Variants in ZDHHC15 observed in about 807,000 individuals in gnomAD.
The protein encoded by ZDHHC15 is palmitoyltransferase ZDHHC15.
In ZDHHC15, 19 loss-of-function variants were observed where a neutral mutation model predicts 31.7. That is an observed-to-expected ratio of 0.60 (90% CI 0.42 to 0.88). ZDHHC15 has a LOEUF of 0.88. Ranked by LOEUF, ZDHHC15 falls within the 40% of genes least tolerant of loss-of-function variation. ZDHHC15 has a pLI of 0.00. For synonymous variants in ZDHHC15, 103 were observed against 90.0 expected (o/e 1.14, Z -0.82); for missense variants, 209 against 251.2 (o/e 0.83, Z 1.14).
intron 8 of ZDHHC15, among the ~76,000 whole-genome samples, chrX:75,423,927 C>T (rs375426167): frequency 9.0e-6 from 1 of 111,180 alleles, no homozygotes; most frequent in East Asian, 2.8e-4. Flanking sequence ...AACTTGGACA[C>T]TTTGTCCTCA....
intron 1 of ZDHHC15, among the ~76,000 whole-genome samples, chrX:75,517,023 A>G (rs911081095): frequency 8.9e-6 from 1 of 112,355 alleles, no homozygotes; most frequent in Non-Finnish European, 1.9e-5. Flanking sequence ...AATGCAAATC[A>G]AAACCACAAT....
intron 10 of ZDHHC15, among the ~76,000 whole-genome samples, chrX:75,398,950 T>TA (rs1390085843): frequency 8.9e-6 from 1 of 112,183 alleles, no homozygotes; most frequent in Non-Finnish European, 1.9e-5. Context: ...AGCCACTTCC[T>TA]ACAGGTGCCT....
intron 4 of ZDHHC15, among the ~76,000 whole-genome samples, chrX:75,440,873 T>C (rs181392933): frequency 3.4e-3 from 381 of 111,247 alleles, no homozygotes; most frequent in Non-Finnish European, 5.5e-3. Context: ...AATAGGGGTG[T>C]TGTTCTCAGG....
intron 3 of ZDHHC15, among the ~76,000 whole-genome samples, chrX:75,471,508 G>A (rs1002689721): frequency 1.3e-4 from 15 of 112,030 alleles, no homozygotes; most frequent in African/African-American, 4.9e-4. Context: ...GTGTGAGGCC[G>A]TCAAAATATT....
At chrX:75,509,524 C>A (rs767651308) in intron 1 of ZDHHC15, among the ~76,000 whole-genome samples, 41 of 111,825 alleles carry the variant, frequency 3.7e-4, no homozygotes, top group Non-Finnish European at 6.6e-4. Flanking sequence ...GAGATAAGCA[C>A]TCACTTACAA....
At position 75,416,580 on chromosome X, in the gene ZDHHC15, T is replaced by C. The variant is rs1353275707; in HGVS notation, c.967+507A>G. ...CCTGGTAGGAGAAAGTTGAAGCTTA[T>C]TTTCCTTTGCCCCTCTTCCTTTTAG... On this transcript the variant is annotated intron_variant, in intron 10 of 11. Transcript: ENST00000373367. Among the ~76,000 whole-genome samples, 8 of 112,066 alleles carry C rather than the reference T, an allele frequency of 7.1e-5. No individual in the cohort carries two copies. The Admixed American group carries it at 7.6e-4, about 11-fold the overall frequency.
intron 2 of ZDHHC15, among the ~76,000 whole-genome samples, chrX:75,487,171 G>A (rs1366638386): frequency 8.9e-6 from 1 of 111,867 alleles, no homozygotes; most frequent in Non-Finnish European, 1.9e-5. Flanking sequence ...GCTAACTAGA[G>A]GTCCTGAGTC....
At chrX:75,475,062 AAAAT>A (rs919953406) in intron 3 of ZDHHC15, among the ~76,000 whole-genome samples, 3 of 111,636 alleles carry the variant, frequency 2.7e-5, no homozygotes, top group Admixed American at 9.5e-5. Context: ...CCGTCTCAAA[AAAAT>A]AAATAAATAA....
At chrX:75,419,764 C>A (rs2083599030) in intron 9 of ZDHHC15, among the ~76,000 whole-genome samples, 1 of 108,896 alleles carries the variant, frequency 9.2e-6, no homozygotes, top group Non-Finnish European at 1.9e-5. Flanking sequence ...GAATACTATG[C>A]AGTCATAAAA....
chrX:75,402,900 C>A (rs2083372419), intron 10 of ZDHHC15, among the ~76,000 whole-genome samples: 1 of 110,552 alleles, frequency 9.0e-6, no homozygotes, highest in Non-Finnish European at 1.9e-5. Context: ...TATCTTGATA[C>A]CAAAACATGG....
At chrX:75,412,732 T>C (rs756343212) in intron 10 of ZDHHC15, among the ~76,000 whole-genome samples, 14 of 111,932 alleles carry the variant, frequency 1.3e-4, no homozygotes, top group Non-Finnish European at 1.7e-4. Flanking sequence ...CGCCTGGCTA[T>C]TATTCAGTTT....
intron 3 of ZDHHC15, among the ~76,000 whole-genome samples, chrX:75,462,631 C>T (rs1048098125): frequency 8.9e-6 from 1 of 112,089 alleles, no homozygotes; most frequent in African/African-American, 3.2e-5. Context: ...CAAAACCACA[C>T]CACTACATGG....
intron 7 of ZDHHC15, among the ~76,000 whole-genome samples, chrX:75,426,817 G>C (rs1460002283): frequency 9.0e-6 from 1 of 111,027 alleles, no homozygotes; most frequent in Non-Finnish European, 1.9e-5. Context: ...AAATTCATGG[G>C]GCTTAGGGTC....
intron 4 of ZDHHC15, among the ~76,000 whole-genome samples, chrX:75,449,429 A>G (rs2084083908): frequency 1.8e-5 from 2 of 111,565 alleles, no homozygotes; most frequent in African/African-American, 6.5e-5. Flanking sequence ...GTACCGTGGT[A>G]AGTACCATTA....
At chrX:75,373,553 T>C (rs1398025002) in intron 11 of ZDHHC15, among the ~76,000 whole-genome samples, 1 of 111,785 alleles carries the variant, frequency 8.9e-6, no homozygotes, top group African/African-American at 3.2e-5. Context: ...GTAATTTTGC[T>C]TCCAGGATTC....
chrX:75,505,425 T>A (rs1193690187), intron 2 of ZDHHC15, among the ~76,000 whole-genome samples: 5 of 110,985 alleles, frequency 4.5e-5, no homozygotes, highest in Non-Finnish European at 9.4e-5. Flanking sequence ...ATACTGGAAC[T>A]GTGATGGTGA....
chrX:75,406,280 C>A (rs530878638), intron 10 of ZDHHC15, among the ~76,000 whole-genome samples: 7 of 110,931 alleles, frequency 6.3e-5, no homozygotes, highest in African/African-American at 2.0e-4. Flanking sequence ...AACCATGCAC[C>A]TTAAGGAACT....
rs1434079532 is a variant in ZDHHC15 at position 75,466,166 on chromosome X, A to G, written c.258+12725T>C. 1.2e-4 allele frequency among the ~76,000 whole-genome samples: 14 copies of G among 112,391 alleles called. No homozygotes were observed. In the East Asian group the frequency reaches 3.6e-3, roughly 29 times the overall value. On this transcript the variant is annotated intron_variant, in intron 3 of 11. Transcript: ENST00000373367. ...GAACAAACACTTCTCAAAAGAAGAC[A>G]TAGATGTGGCCAAAACAAACATGTA...
rs1034211480 is a variant in ZDHHC15, at chrX:75,369,709, T to G, written c.*3269A>C. On this transcript the variant is annotated 3_prime_UTR_variant, in exon 12 of 12. Transcript: ENST00000373367. Reference sequence around the variant, plus strand: ...GTAGGGGAAAGAGGCACATATTGCATTCTTATCACATAGAAAGTAAGAGTT... The same window carrying G: ...GTAGGGGAAAGAGGCACATATTGCAGTCTTATCACATAGAAAGTAAGAGTT... 4 of 111,874 alleles carry G rather than the reference T, an allele frequency of 3.6e-5. No individual in the cohort carries two copies. The highest frequency in any genetic ancestry group is 1.3e-4 in the African/African-American group (4 of 30,746). 9.2% of individuals were successfully genotyped at this position (111,874 alleles called of 1,213,427 possible).
Sources: gnomAD v4.1 joint callset for allele counts (sites outside exome capture counted in the v4.1 genomes callset) on GRCh38, gnomAD v4.1.1 for gene constraint, MANE v1.5 for transcripts, NCBI Gene and HGNC (gene_info 2026-07-23, HGNC 2026-07-21) for gene names.